Variants in TTC28 observed in about 807,000 individuals in gnomAD.
TTC28 encodes the protein tetratricopeptide repeat protein 28.
TTC28 carries 61 observed loss-of-function variants against 198.0 expected under a neutral mutation model. The ratio of observed to expected loss-of-function variants is 0.31; its 90% CI spans 0.25 to 0.38. TTC28 has a LOEUF of 0.38. Ranked by LOEUF, TTC28 falls within the 10% of genes least tolerant of loss-of-function variation. The pLI, the probability that TTC28 is intolerant of heterozygous loss-of-function variation, is 1.00. For synonymous variants in TTC28, 1,171 were observed against 1,297.8 expected, an observed-to-expected ratio of 0.90 and a Z score of 2.10; for missense variants, 2,678 against 3,164.0, an observed-to-expected ratio of 0.85 and a Z score of 3.69.
intron 5 of TTC28, among the ~76,000 whole-genome samples, chr22:28,228,332 G>A (rs1601505385): frequency 6.6e-6 from 1 of 152,168 alleles, no homozygotes; most frequent in Non-Finnish European, 1.5e-5. Flanking sequence ...TAATGGCACT[G>A]AACTGTGTAG....
chr22:28,275,192 T>G (rs1012779040), intron 5 of TTC28, among the ~76,000 whole-genome samples: 1 of 152,058 alleles, frequency 6.6e-6, no homozygotes, highest in African/African-American at 2.4e-5. Context: ...TATAAGAAAT[T>G]TTACACTTCT....
chr22:28,297,926 G>A (rs1013997029), intron 3 of TTC28, 74 bp from the exon 4 acceptor site: 85 of 1,429,312 alleles, frequency 5.9e-5, no homozygotes, highest in Non-Finnish European at 7.6e-5. Flanking sequence ...TTTCTAATAC[G>A]CTCTAGAAAT....
At chr22:28,185,332 A>G (rs968119051) in intron 5 of TTC28, among the ~76,000 whole-genome samples, 1 of 152,142 alleles carries the variant, frequency 6.6e-6, no homozygotes, top group African/African-American at 2.4e-5. Context: ...TATGAAATCT[A>G]TTCCTTTTCA....
chr22:28,116,955 G>C (rs1328943907), intron 6 of TTC28, among the ~76,000 whole-genome samples: 3 of 152,178 alleles, frequency 2.0e-5, no homozygotes, highest in African/African-American at 7.2e-5. Flanking sequence ...ACTTGGCTTG[G>C]ATTACCTTTC....
chr22:28,263,489 A>G (rs1407068153), intron 5 of TTC28, among the ~76,000 whole-genome samples: 1 of 152,194 alleles, frequency 6.6e-6, no homozygotes, highest in Non-Finnish European at 1.5e-5. Context: ...TTCTTTAATT[A>G]TAAACATTCA....
At chr22:28,506,006 GC>G (rs2048607871) in intron 2 of TTC28, among the ~76,000 whole-genome samples, 1 of 152,170 alleles carries the variant, frequency 6.6e-6, no homozygotes. Flanking sequence ...CCCCCACAGT[GC>G]AGCCCAGCTG....
chr22:28,669,313 A>AT (rs924017883), intron 1 of TTC28, among the ~76,000 whole-genome samples: 3 of 151,598 alleles, frequency 2.0e-5, no homozygotes, highest in African/African-American at 7.3e-5. Flanking sequence ...AAAAAAAAAA[A>AT]AAGAAAGAAA....
rs139800315 is a variant in TTC28, at chr22:28,536,907, A to G, written c.381+92645T>C. On this transcript the variant is annotated intron_variant, in intron 2 of 22. Coordinates refer to ENST00000397906, the MANE Select transcript of TTC28 (RefSeq NM_001145418.2). The stretch of plus-strand genomic sequence containing the variant: ...AACTCAGATATCAATTTATAGTTAC[A>G]TATTGTAACTATATTATGTATAATT... 6.3e-3 allele frequency among the ~76,000 whole-genome samples: 956 copies of G among 151,780 alleles called. 8 individuals carry two copies. Among genetic ancestry groups the G allele is most frequent in the African/African-American group, 0.022 (917 of 41,458 alleles).
At chr22:28,369,077 A>G (rs1401037154) in intron 2 of TTC28, among the ~76,000 whole-genome samples, 8 of 152,154 alleles carry the variant, frequency 5.3e-5, no homozygotes, top group Non-Finnish European at 1.2e-4. Context: ...CAGAAGTAGA[A>G]AAACAATCCT....
intron 2 of TTC28, among the ~76,000 whole-genome samples, chr22:28,589,687 T>C (rs1356109484): frequency 6.6e-6 from 1 of 152,104 alleles, no homozygotes; most frequent in Non-Finnish European, 1.5e-5. Context: ...AAATCTACGG[T>C]TATGGAGTCT....
intron 2 of TTC28, among the ~76,000 whole-genome samples, chr22:28,350,767 A>C (rs967956190): frequency 3.9e-5 from 6 of 152,246 alleles, no homozygotes; most frequent in African/African-American, 1.4e-4. Flanking sequence ...ATAACCTAAG[A>C]GATATTTAGG....
chr22:28,629,976 G>A (rs1054654358), intron 1 of TTC28, 146 bp from the exon 2 acceptor site: 12 of 681,328 alleles, frequency 1.8e-5, no homozygotes, highest in Non-Finnish European at 2.9e-5. Context: ...GAGGTGTTTA[G>A]GTCATAGGAG....
intron 6 of TTC28, among the ~76,000 whole-genome samples, chr22:28,129,623 C>T (rs1216617573): frequency 6.6e-6 from 1 of 152,156 alleles, no homozygotes; most frequent in African/African-American, 2.4e-5. Context: ...GAGGTGAATA[C>T]TTAGGTAGAG....
At chr22:28,633,897 T>C (rs997998855) in intron 1 of TTC28, among the ~76,000 whole-genome samples, 1 of 152,098 alleles carries the variant, frequency 6.6e-6, no homozygotes, top group African/African-American at 2.4e-5. Context: ...CATTATAAGA[T>C]CAAATCACCT....
rs531519258 is a variant in TTC28 at position 28,308,031 on chromosome 22, T to C, written c.382-1388A>G. On this transcript the variant is annotated intron_variant, in intron 2 of 22. Coordinates refer to ENST00000397906, the MANE Select transcript of TTC28 (RefSeq NM_001145418.2). ...ATTTAAGAGAGGCAACACCATTCAG[T>C]GTTTCTATTAAAAAACAATCCATAA... 2.8e-4 allele frequency among the ~76,000 whole-genome samples: 42 copies of C among 152,322 alleles called. 1 individual carries two copies. In the Middle Eastern group the frequency reaches 0.014, roughly 49 times the overall value.
rs200877397 is a variant in TTC28 at position 28,541,708 on chromosome 22, A to AAT, written c.381+87842_381+87843dup. Among the ~76,000 whole-genome samples the AAT allele has an allele frequency of 3.5e-3, 533 of 150,722 alleles. 7 individuals are homozygous for AAT. The East Asian group carries it at 0.042, about 12-fold the overall frequency. ...TTGTAACTATGTTCAAGTGTTTTTA[A>AAT]ATATATATATATATAGAAGAAAGAA... is the stretch of plus-strand genomic sequence containing the variant. On this transcript the variant is annotated intron_variant, in intron 2 of 22. Transcript: ENST00000397906.
At chr22:28,502,043 A>G (rs1465156384) in intron 2 of TTC28, among the ~76,000 whole-genome samples, 1 of 152,192 alleles carries the variant, frequency 6.6e-6, no homozygotes, top group African/African-American at 2.4e-5. Context: ...TATCTTTATA[A>G]GACTTACATG....
At chr22:28,652,176 T>G (rs1397346190) in intron 1 of TTC28, among the ~76,000 whole-genome samples, 1 of 152,204 alleles carries the variant, frequency 6.6e-6, no homozygotes, top group African/African-American at 2.4e-5. Flanking sequence ...TTATATTCCA[T>G]GCATCAATAC....
intron 2 of TTC28, among the ~76,000 whole-genome samples, chr22:28,613,284 T>C (rs183030968): frequency 2.8e-4 from 42 of 152,086 alleles, no homozygotes; most frequent in Non-Finnish European, 5.1e-4. Context: ...CAATAACAAG[T>C]TCTGAAATTA....
Sources: allele counts gnomAD v4.1 joint callset (sites outside exome capture counted in the v4.1 genomes callset), GRCh38; gene constraint gnomAD v4.1.1; transcripts MANE v1.5; gene names NCBI Gene and HGNC (gene_info 2026-07-23, HGNC 2026-07-21).